Variants in COPG2 observed in about 807,000 individuals in gnomAD.
COPG2 encodes coat protein complex I subunit gamma 2, also known as coatomer subunit gamma-2.
A neutral mutation model predicts 46.3 loss-of-function variants in COPG2; 37 were observed. The ratio of observed to expected loss-of-function variants is 0.80; its 90% CI spans 0.61 to 1.05. COPG2 has a LOEUF of 1.05. Ranked by LOEUF, COPG2 falls within the 50% of genes least tolerant of loss-of-function variation. COPG2 has a pLI of 0.00. For synonymous variants in COPG2, 159 were observed against 129.7 expected (o/e 1.23, Z -1.53); for missense variants, 427 against 387.8 (o/e 1.10, Z -0.85).
At chr7:130,640,258 T>C (rs1554457016) in intron 5 of COPG2, among the ~76,000 whole-genome samples, 17 of 148,774 alleles carry the variant, frequency 1.1e-4, no homozygotes. Context: ...AGTTCCCTGA[T>C]TCAGTCTGCC....
In COPG2 at chr7:130,544,584, T is replaced by G. The variant is rs898425773; in HGVS notation, c.2149+3090A>C. 2.0e-3 allele frequency among the ~76,000 whole-genome samples: 311 copies of G among 152,280 alleles called. 3 individuals carry two copies. The highest frequency in any genetic ancestry group is 3.9e-3 in the Admixed American group (59 of 15,296). On this transcript the variant is annotated intron_variant, in intron 20 of 23. Transcript: ENST00000425248. Reference sequence around the variant, plus strand: ...AATAAAAGCAATATAAAGATTAGAATGGTTTTGAATAGGTAGTGGAATAAA... The same window carrying G: ...AATAAAAGCAATATAAAGATTAGAAGGGTTTTGAATAGGTAGTGGAATAAA...
intron 14 of COPG2, among the ~76,000 whole-genome samples, chr7:130,554,203 TAAAC>T (rs1203991596): frequency 1.3e-5 from 2 of 151,842 alleles, no homozygotes; most frequent in African/African-American, 4.8e-5. Context: ...TAGAAACACA[TAAAC>T]AAATTCTACA....
chr7:130,516,204 T>C (rs923265353), intron 20 of COPG2, among the ~76,000 whole-genome samples: 1 of 152,194 alleles, frequency 6.6e-6, no homozygotes, highest in Admixed American at 6.5e-5. Flanking sequence ...GTGTCAATGA[T>C]ACTAACTGGA....
At chr7:130,658,769 C>T (rs563585296) in intron 4 of COPG2, among the ~76,000 whole-genome samples, 1 of 152,080 alleles carries the variant, frequency 6.6e-6, no homozygotes, top group East Asian at 1.9e-4. Context: ...CAATCTCCCC[C>T]TCCTGGGTTC....
At chr7:130,587,558 A>C (rs1209565817) in intron 9 of COPG2, among the ~76,000 whole-genome samples, 1 of 152,132 alleles carries the variant, frequency 6.6e-6, no homozygotes, top group Non-Finnish European at 1.5e-5. Flanking sequence ...TTCCCTATTT[A>C]ATAAACGGTG....
chr7:130,510,164 G>A (rs782737478), intron 20 of COPG2: 3 of 519,998 alleles, frequency 5.8e-6, no homozygotes, highest in Non-Finnish European at 7.7e-6. Flanking sequence ...CCACTGGTGG[G>A]GACTATGAAG....
chr7:130,655,015 T>C (rs557345681), intron 4 of COPG2, among the ~76,000 whole-genome samples: 11 of 152,216 alleles, frequency 7.2e-5, no homozygotes, highest in Non-Finnish European at 8.8e-5. Context: ...CTTAAGCATA[T>C]AGATCATGTT....
intron 5 of COPG2, among the ~76,000 whole-genome samples, chr7:130,639,124 C>T (rs978541029): frequency 7.9e-5 from 12 of 152,198 alleles, no homozygotes; most frequent in Non-Finnish European, 1.3e-4. Context: ...AAATCACCCG[C>T]CTTCCACGTT....
chr7:130,513,341 A>ATATATATGTG (rs1215646008), intron 20 of COPG2, among the ~76,000 whole-genome samples: 32 of 51,488 alleles, frequency 6.2e-4, no homozygotes, highest in Admixed American at 9.8e-4. Flanking sequence ...ATATATATAT[A>ATATATATGTG]TGTGTGTGTG....
At chr7:130,513,685 G>A (rs1055479036) in intron 20 of COPG2, among the ~76,000 whole-genome samples, 1 of 152,250 alleles carries the variant, frequency 6.6e-6, no homozygotes, top group South Asian at 2.1e-4. Context: ...CTTGCCATAG[G>A]CAGTGGCAGG....
Position 130,509,826 on chromosome 7 carries a change from G to A in COPG2, c.2150-1167C>T, listed in dbSNP as rs142489942. 9.1e-4 allele frequency: 457 copies of A among 504,510 alleles called. 2 individuals are homozygous for A. The highest frequency in any genetic ancestry group is 2.8e-3 in the South Asian group (196 of 68,994). 31.3% of individuals were successfully genotyped at this position (504,510 alleles called of 1,614,324 possible). A position where few individuals can be genotyped will look rare whatever the true frequency, so the allele number is the denominator to read the frequency against. ...TTTAAGTTTTAAGAGAGTGCCATGTGAGGGTGCGGGATTAACAAATAGCCT... is the reference window on the plus strand; with the variant it reads ...TTTAAGTTTTAAGAGAGTGCCATGTAAGGGTGCGGGATTAACAAATAGCCT... On this transcript the variant is annotated intron_variant, in intron 20 of 23. Coordinates refer to ENST00000425248, the MANE Select transcript of COPG2 (RefSeq NM_012133.6).
intron 9 of COPG2, among the ~76,000 whole-genome samples, chr7:130,591,879 C>T (rs1794434853): frequency 6.6e-6 from 1 of 152,016 alleles, no homozygotes; most frequent in Non-Finnish European, 1.5e-5. Context: ...TCTGCCCGGC[C>T]ACCACCCCGT....
At chr7:130,561,318 G>C (rs1793715295) in intron 11 of COPG2, 97 bp from the exon 12 acceptor site, 1 of 397,218 alleles carries the variant, frequency 2.5e-6, no homozygotes, top group Non-Finnish European at 4.4e-6. Flanking sequence ...AAAGAGGACA[G>C]GATAAGTTAA....
chr7:130,643,015 A>G (rs1330764344), intron 5 of COPG2, among the ~76,000 whole-genome samples: 1 of 151,376 alleles, frequency 6.6e-6, no homozygotes, highest in Non-Finnish European at 1.5e-5. Flanking sequence ...CAAAACAAAA[A>G]CAAAAACTAT....
chr7:130,573,756 G>A (rs945004877), intron 9 of COPG2, among the ~76,000 whole-genome samples: 3 of 152,046 alleles, frequency 2.0e-5, no homozygotes, highest in African/African-American at 4.8e-5. Context: ...AGGTTCAGGG[G>A]TACATGTGAA....
rs374784268 is a variant in COPG2 at position 130,628,016 on chromosome 7, G to T, written c.324-10951C>A. Among the ~76,000 whole-genome samples the T allele has an allele frequency of 2.0e-3, 309 of 152,208 alleles. 2 individuals carry two copies. Among genetic ancestry groups the T allele is most frequent in the African/African-American group, 6.7e-3 (280 of 41,538 alleles). ...ACAGCCTTCATTGTCTTCAACTAACGAGAAGTCCATACATGTCATTCAACT... is the reference window on the plus strand; with the variant it reads ...ACAGCCTTCATTGTCTTCAACTAACTAGAAGTCCATACATGTCATTCAACT... On this transcript the variant is annotated intron_variant, in intron 5 of 23. Coordinates refer to ENST00000425248, the MANE Select transcript of COPG2 (RefSeq NM_012133.6).
chr7:130,528,057 C>T (rs1799790393), intron 20 of COPG2, among the ~76,000 whole-genome samples: 1 of 151,888 alleles, frequency 6.6e-6, no homozygotes, highest in Non-Finnish European at 1.5e-5. Context: ...GTCTTGAAGA[C>T]ATCGGTGCTA....
intron 4 of COPG2, among the ~76,000 whole-genome samples, chr7:130,658,685 AT>A (rs782395728): frequency 1.0e-3 from 152 of 146,776 alleles, no homozygotes; most frequent in Middle Eastern, 3.6e-3. Context: ...TGACAACCTG[AT>A]TTTTTTTTTT....
chr7:130,533,534 G>T (rs898156174), intron 20 of COPG2, among the ~76,000 whole-genome samples: 134 of 152,172 alleles, frequency 8.8e-4, no homozygotes, highest in Non-Finnish European at 1.1e-3. Context: ...GAGGGAGAAG[G>T]TGAGAGGAAG....
Sources: gnomAD v4.1 joint callset for allele counts (sites outside exome capture counted in the v4.1 genomes callset) on GRCh38, gnomAD v4.1.1 for gene constraint, MANE v1.5 for transcripts, NCBI Gene and HGNC (gene_info 2026-07-23, HGNC 2026-07-21) for gene names.